Variants in KCNC4 observed in about 807,000 individuals in gnomAD.
KCNC4 encodes potassium voltage-gated channel subfamily C member 4.
A neutral mutation model predicts 42.8 loss-of-function variants in KCNC4; 23 were observed. The ratio of observed to expected loss-of-function variants is 0.54; its 90% CI spans 0.39 to 0.76. KCNC4 has a LOEUF of 0.76. Ranked by LOEUF, KCNC4 falls within the 30% of genes least tolerant of loss-of-function variation. KCNC4 has a pLI of 0.00. For synonymous variants in KCNC4, 422 were observed against 393.5 expected, an observed-to-expected ratio of 1.07 and a Z score of -0.86; for missense variants, 751 against 898.2, an observed-to-expected ratio of 0.84 and a Z score of 2.10.
chr1:110,279,287 C>A (rs1222612533), intron 1 of KCNC4, among the ~76,000 whole-genome samples: 1 of 152,172 alleles, frequency 6.6e-6, no homozygotes, highest in Admixed American at 6.5e-5. Flanking sequence ...TTAACCAACT[C>A]GCCATCCTGT....
intron 3 of KCNC4, among the ~76,000 whole-genome samples, chr1:110,231,734 C>T (rs1470433193): frequency 6.6e-6 from 1 of 152,116 alleles, no homozygotes; most frequent in Non-Finnish European, 1.5e-5. Flanking sequence ...TCTGAAGAAC[C>T]CTGAATTCCT....
intron 3 of KCNC4, among the ~76,000 whole-genome samples, chr1:110,228,145 T>A (rs1011045654): frequency 1.3e-5 from 2 of 152,166 alleles, no homozygotes; most frequent in African/African-American, 4.8e-5. Flanking sequence ...ACACTCAGGT[T>A]ATGCTTAAGA....
chr1:110,254,389 C>T (rs1198199609), intron 1 of KCNC4, among the ~76,000 whole-genome samples: 1 of 152,224 alleles, frequency 6.6e-6, no homozygotes, highest in Non-Finnish European at 1.5e-5. Flanking sequence ...TTCAGTGCAT[C>T]ATTTGCACCT....
chr1:110,213,449 G>T (rs1657615438), intron 1 of KCNC4, among the ~76,000 whole-genome samples: 1 of 152,182 alleles, frequency 6.6e-6, no homozygotes, highest in African/African-American at 2.4e-5. Context: ...CTCCTTCCTA[G>T]TCATAGAAGA....
At chr1:110,283,988 G>C (rs549020098), downstream of KCNC4, among the ~76,000 whole-genome samples, 2 of 152,188 alleles carry the variant, frequency 1.3e-5, no homozygotes, top group African/African-American at 4.8e-5. Flanking sequence ...GCCTCCATGA[G>C]CCTTGGTTTC....
chr1:110,222,708 A>T, intron 1 of KCNC4: 1 of 493,272 alleles, frequency 2.0e-6, no homozygotes, highest in South Asian at 2.6e-5. Context: ...GCAGCTGTAG[A>T]TACCTGACCA....
chr1:110,212,045 G>A lies in KCNC4; in HGVS notation c.546G>A (p.Arg182=), dbSNP rs772563746. ...GCGACGAGGCCGGCGACGATGAGCG[G>A]GAGCTGGCCCTGCAGCGACTGGGCC... ...GPSDEAGDDE[R]ELALQRLGPH... Residue 182 remains arginine (R), a synonymous_variant, in exon 1 of 4, where the codon CGG becomes CGA. Transcript: ENST00000438661. 15 of 1,579,136 alleles carry A rather than the reference G, an allele frequency of 9.5e-6. No individual in the cohort carries two copies. The African/African-American group carries it at 1.4e-4, about 14-fold the overall frequency.
rs1232295866 is a variant in KCNC4, at chr1:110,211,006, CTTG to C, written c.-490_-488del. 2.0e-5 allele frequency among the ~76,000 whole-genome samples: 3 copies of C among 152,196 alleles called. No homozygotes were observed. The highest frequency in any genetic ancestry group is 6.5e-5 in the Admixed American group (1 of 15,288). ...CTGGCCCCGGCAGCCGCTCGGAGGA[CTTG>C]TTGCTGCTGCGCTGCCGCCGCTGCG... On this transcript the variant is annotated 5_prime_UTR_variant, in exon 1 of 4. Transcript: ENST00000438661. The surrounding 1 kb of genome is among the most constrained non-coding windows in gnomAD (Gnocchi z 6.5).
At chr1:110,228,813 A>T (rs1658546359) in intron 3 of KCNC4, 2 of 152,488 alleles carry the variant, frequency 1.3e-5, no homozygotes, top group South Asian at 4.1e-4. Flanking sequence ...AGCAGTCAGG[A>T]CAGAGGAGAA....
chr1:110,279,921 C>T (rs1445023350), intron 1 of KCNC4, among the ~76,000 whole-genome samples: 2 of 151,094 alleles, frequency 1.3e-5, no homozygotes, highest in African/African-American at 2.4e-5. Flanking sequence ...GCCTCAGCCT[C>T]CCCGAGTAGG....
chr1:110,249,246 G>A (rs2101065341), downstream of KCNC4: 1 of 152,104 alleles, frequency 6.6e-6, no homozygotes, highest in South Asian at 2.1e-4. Context: ...TTTTTTTCTG[G>A]GGGCTCTGGA....
chr1:110,269,191 T>G (rs1009821653), intron 1 of KCNC4, among the ~76,000 whole-genome samples: 1 of 152,132 alleles, frequency 6.6e-6, no homozygotes, highest in Non-Finnish European at 1.5e-5. Flanking sequence ...TCAGGTTTAT[T>G]AAAGTGCAAT....
At position 110,211,645 on chromosome 1, in the gene KCNC4, C is replaced by G; in HGVS notation, c.146C>G (p.Thr49Ser). Residue 49 changes from threonine to serine, a missense_variant, in exon 1 of 4, where the codon ACC (threonine) becomes AGC (serine). Physicochemically the swap from Thr to Ser is moderately conservative, Grantham distance 58. Coordinates refer to ENST00000438661, the MANE Select transcript of KCNC4 (RefSeq NM_001039574.3). The surrounding 1 kb of genome is among the most constrained non-coding windows in gnomAD (Gnocchi z 6.5). Reference sequence around the variant, plus strand: ...AACGTGGGCGGCACGCGACATGAGACCTACCGCAGCACCCTGCGCACCCTA... The same window carrying G: ...AACGTGGGCGGCACGCGACATGAGAGCTACCGCAGCACCCTGCGCACCCTA... ...IINVGGTRHE[T>S]YRSTLRTLPG... is the part of the protein sequence containing the mutation. 2 of 1,613,778 alleles carry G rather than the reference C, an allele frequency of 1.2e-6. No homozygotes were observed. Among genetic ancestry groups the G allele is most frequent in the South Asian group, 2.2e-5 (2 of 91,078 alleles).
intron 1 of KCNC4, among the ~76,000 whole-genome samples, chr1:110,268,537 C>T (rs1024901902): frequency 7.3e-6 from 1 of 137,024 alleles, no homozygotes; most frequent in Non-Finnish European, 1.5e-5. Flanking sequence ...ACCCGGGAGG[C>T]AGAGTTTGCA....
At chr1:110,218,080 T>A (rs1657896005) in intron 1 of KCNC4, among the ~76,000 whole-genome samples, 1 of 152,148 alleles carries the variant, frequency 6.6e-6, no homozygotes, top group African/African-American at 2.4e-5. Context: ...TCTCCTTATG[T>A]TTATCTGTCC....
chr1:110,248,447 G>GT lies in KCNC4; in HGVS notation c.*16143dup, dbSNP rs1215488285. On this transcript the variant is annotated 3_prime_UTR_variant, in exon 4 of 4. Transcript: ENST00000369787. The stretch of plus-strand genomic sequence containing the variant: ...GTTATAGGGTTTTGTTTTTGTTTTT[G>GT]TTTTTGTTTTTTTTTGGCCTGTTAG... 2.1e-4 allele frequency: 20 copies of GT among 96,206 alleles called. No homozygotes were observed. The South Asian group carries it at 6.9e-3, about 33-fold the overall frequency. 6.0% of individuals were successfully genotyped at this position (96,206 alleles called of 1,614,324 possible). A position where few individuals can be genotyped will look rare whatever the true frequency, so the allele number is the denominator to read the frequency against.
At chr1:110,262,687 C>T (rs1032867338) in intron 1 of KCNC4, among the ~76,000 whole-genome samples, 2 of 152,204 alleles carry the variant, frequency 1.3e-5, no homozygotes, top group African/African-American at 4.8e-5. Flanking sequence ...GTCAAACCCA[C>T]CTTTCTCCAA....
chr1:110,236,553 T>C (rs906434594), downstream of KCNC4: 7 of 152,236 alleles, frequency 4.6e-5, no homozygotes, highest in Non-Finnish European at 1.0e-4. Context: ...CTCTCCCTTT[T>C]ACGTGTATGT....
In KCNC4 at chr1:110,223,231, A is replaced by G. The variant is rs1386246731; in HGVS notation, c.946A>G (p.Ile316Val). 49 of 1,614,052 alleles carry G rather than the reference A, an allele frequency of 3.0e-5. No homozygotes were observed. The highest frequency in any genetic ancestry group is 3.9e-5 in the Non-Finnish European group (46 of 1,180,024). ...TLDFVKNLLN[I>V]IDFVAILPFY... ...GGACTTCGTCAAGAACCTGCTCAAC[A>G]TCATCGACTTTGTGGCCATCCTGCC... The change falls in exon 2 of 4, where the codon ATC becomes GTC. Residue 316 changes from isoleucine (I) to valine (V), a missense_variant. By Grantham distance (29) the Ile-to-Val change is conservative. This residue lies in a region of KCNC4 where 185 missense variants were observed against 293.7 expected (regional missense o/e 0.63). Coordinates refer to ENST00000438661, the MANE Select transcript of KCNC4 (RefSeq NM_001039574.3). This position sits in a 1 kb window ranked among gnomAD's most constrained non-coding sequence, Gnocchi z 7.5.
Sources: gnomAD v4.1 joint callset for allele counts (sites outside exome capture counted in the v4.1 genomes callset) on GRCh38, gnomAD v4.1.1 for gene constraint, gnomAD v4.1.1 regional missense constraint, Gnocchi (gnomAD v3.1) non-coding constraint, MANE v1.5 for transcripts, NCBI Gene and HGNC (gene_info 2026-07-23, HGNC 2026-07-21) for gene names.